Variants in CSMD1 observed in about 807,000 individuals in gnomAD.
CSMD1 encodes the protein CUB and sushi domain-containing protein 1.
In CSMD1, 213 loss-of-function variants were observed where a neutral mutation model predicts 417.5. The observed-to-expected ratio is 0.51, with a 90% CI of 0.46 to 0.57. The LOEUF (loss-of-function observed/expected upper bound fraction) is 0.57. CSMD1 is among the 20% of genes least tolerant of loss of function. CSMD1 has a pLI of 0.00. For synonymous variants in CSMD1, 2,862 were observed against 1,736.8 expected (o/e 1.65, Z -16.11); for missense variants, 6,923 against 4,529.7 (o/e 1.53, Z -15.17).
At chr8:3,661,107 T>G (rs1382981502) in intron 7 of CSMD1, among the ~76,000 whole-genome samples, 1 of 152,158 alleles carries the variant, frequency 6.6e-6, no homozygotes, top group Non-Finnish European at 1.5e-5. Context: ...GTTCCATCTG[T>G]TAAAGCAAAC....
Position 3,367,207 on chromosome 8 carries a change from G to C in CSMD1, c.2940C>G (p.Ser980=), listed in dbSNP as rs1248582720. 10 of 1,613,258 alleles carry C rather than the reference G, an allele frequency of 6.2e-6. No individual in the cohort carries two copies. The Admixed American group carries it at 1.0e-4, about 16-fold the overall frequency. Reference sequence around the variant, plus strand: ...CCTCTGTGATCAGTAAATAGTCGTGGGAACTCTCAAGATGAAAGGTGTGAA... The same window carrying C: ...CCTCTGTGATCAGTAAATAGTCGTGCGAACTCTCAAGATGAAAGGTGTGAA... The part of the protein sequence containing the change: ...MIFHTFHLES[S]HDYLLITEDG... Residue 980 remains serine (S), a synonymous_variant, in exon 20 of 70, where the codon TCC becomes TCG. Transcript: ENST00000635120.
At chr8:4,859,562 A>AC (rs1430725726) in intron 1 of CSMD1, among the ~76,000 whole-genome samples, 1 of 152,164 alleles carries the variant, frequency 6.6e-6, no homozygotes, top group East Asian at 1.9e-4. Context: ...CAAATTTACA[A>AC]GAAAAAAACA....
chr8:3,407,770 C>G (rs1300991549), intron 14 of CSMD1, 129 bp downstream of exon 14: 3 of 818,286 alleles, frequency 3.7e-6, no homozygotes, highest in Admixed American at 2.9e-5. Context: ...TTACTACTGT[C>G]ATTTTCATAA....
intron 2 of CSMD1, among the ~76,000 whole-genome samples, chr8:4,541,699 C>T (rs916091052): frequency 3.3e-5 from 5 of 152,058 alleles, no homozygotes; most frequent in African/African-American, 1.2e-4. Flanking sequence ...CTTACCACTG[C>T]ATTCCAGCCT....
At chr8:3,197,614 C>A (rs901047707) in intron 33 of CSMD1, among the ~76,000 whole-genome samples, 1 of 151,682 alleles carries the variant, frequency 6.6e-6, no homozygotes, top group African/African-American at 2.4e-5. Context: ...TACAGGTGCC[C>A]GCCACCACGC....
In CSMD1 at chr8:4,659,349, A is replaced by G. The variant is rs114838878; in HGVS notation, c.86-21791T>C. Reference sequence around the variant, plus strand: ...AATAAACTCCAAGCTGGCAGGTAAAATGAAATATTAAAAAGATTAGAGCAG... The same window carrying G: ...AATAAACTCCAAGCTGGCAGGTAAAGTGAAATATTAAAAAGATTAGAGCAG... On this transcript the variant is annotated intron_variant, in intron 1 of 69. Transcript: ENST00000635120. 9.8e-3 allele frequency among the ~76,000 whole-genome samples: 1,495 copies of G among 152,328 alleles called. 29 individuals are homozygous for G. The highest frequency in any genetic ancestry group is 0.033 in the African/African-American group (1,366 of 41,568).
rs781627128 is a variant in CSMD1 at position 4,994,323 on chromosome 8, C to G, written c.85+9G>C. On this transcript the variant is annotated intron_variant, in intron 1 of 69. Coordinates refer to ENST00000635120, the MANE Select transcript of CSMD1 (RefSeq NM_033225.6). The stretch of plus-strand genomic sequence containing the variant: ...ACCGCCTCCCCGGCCAGGAGCAAGT[C>G]CGTCTTACCCTTCGCTGCAGTGAGG... 4 of 1,608,800 alleles carry G rather than the reference C, an allele frequency of 2.5e-6. No individual in the cohort carries two copies. Among genetic ancestry groups the G allele is most frequent in the Non-Finnish European group, 3.4e-6 (4 of 1,179,378 alleles).
At chr8:4,858,007 A>C (rs1801903478) in intron 1 of CSMD1, among the ~76,000 whole-genome samples, 1 of 152,216 alleles carries the variant, frequency 6.6e-6, no homozygotes, top group Non-Finnish European at 1.5e-5. Context: ...TTGACGCAAA[A>C]ATCCTCAGTA....
chr8:4,220,718 C>T (rs1184010774), intron 3 of CSMD1, among the ~76,000 whole-genome samples: 1 of 152,120 alleles, frequency 6.6e-6, no homozygotes, highest in African/African-American at 2.4e-5. Flanking sequence ...ATGCATTGAG[C>T]AATTCACTAG....
At chr8:3,055,898 G>A (rs943187908) in intron 49 of CSMD1, among the ~76,000 whole-genome samples, 1 of 152,144 alleles carries the variant, frequency 6.6e-6, no homozygotes, top group Admixed American at 6.5e-5. Context: ...TTACGCTCAG[G>A]TTATTAAGAC....
chr8:3,682,639 C>A (rs1799724957), intron 7 of CSMD1, among the ~76,000 whole-genome samples: 1 of 152,164 alleles, frequency 6.6e-6, no homozygotes, highest in Non-Finnish European at 1.5e-5. Flanking sequence ...TGTGGTGATT[C>A]CTCAGGGATC....
intron 12 of CSMD1, among the ~76,000 whole-genome samples, chr8:3,428,324 C>T (rs989575133): frequency 6.6e-6 from 1 of 152,100 alleles, no homozygotes; most frequent in African/African-American, 2.4e-5. Flanking sequence ...GACGAATGGC[C>T]AGGCCTCAAG....
At chr8:4,604,505 C>G (rs1221832888) in intron 2 of CSMD1, among the ~76,000 whole-genome samples, 2 of 151,850 alleles carry the variant, frequency 1.3e-5, no homozygotes, top group Non-Finnish European at 2.9e-5. Context: ...TCATTAGCTT[C>G]TGACTTGATT....
At chr8:4,701,647 T>C (rs1167296960) in intron 1 of CSMD1, among the ~76,000 whole-genome samples, 3 of 152,130 alleles carry the variant, frequency 2.0e-5, no homozygotes, top group African/African-American at 7.2e-5. Context: ...GTTTGAAGTA[T>C]GCTAGGTCCA....
chr8:3,110,351 A>G lies in CSMD1; in HGVS notation c.6431-16T>C. 2 of 1,583,260 alleles carry G rather than the reference A, an allele frequency of 1.3e-6. No homozygotes were observed. The highest frequency in any genetic ancestry group is 1.7e-6 in the Non-Finnish European group (2 of 1,165,356). Reference sequence around the variant, plus strand: ...CCACAAGGGGCTGCAAAGGAAACCAAGAAAAAACAAGCGCCATACAGCTGA... The same window carrying G: ...CCACAAGGGGCTGCAAAGGAAACCAGGAAAAAACAAGCGCCATACAGCTGA... On this transcript the variant is annotated splice_polypyrimidine_tract_variant and intron_variant, in intron 42 of 69. Coordinates refer to ENST00000635120, the MANE Select transcript of CSMD1 (RefSeq NM_033225.6).
chr8:4,888,706 T>C (rs1278418541), intron 1 of CSMD1, among the ~76,000 whole-genome samples: 2 of 152,246 alleles, frequency 1.3e-5, no homozygotes, highest in South Asian at 2.1e-4. Flanking sequence ...ACTCATTCCA[T>C]GGCCGGTGCA....
intron 3 of CSMD1, among the ~76,000 whole-genome samples, chr8:4,411,823 A>G (rs1462114274): frequency 6.6e-6 from 1 of 152,188 alleles, no homozygotes; most frequent in East Asian, 1.9e-4. Flanking sequence ...CTATGCAAAT[A>G]CTTTTATTTA....
intron 1 of CSMD1, among the ~76,000 whole-genome samples, chr8:4,779,369 G>A (rs1447936555): frequency 6.6e-6 from 1 of 152,108 alleles, no homozygotes; most frequent in African/African-American, 2.4e-5. Flanking sequence ...ATTTTTTACA[G>A]AAGAGTTCAT....
At chr8:4,327,601 A>T (rs1011824990) in intron 3 of CSMD1, among the ~76,000 whole-genome samples, 1 of 152,156 alleles carries the variant, frequency 6.6e-6, no homozygotes, top group Non-Finnish European at 1.5e-5. Context: ...GATGTTACCA[A>T]GTCAGAAAGG....
Sources: allele counts gnomAD v4.1 joint callset (sites outside exome capture counted in the v4.1 genomes callset), GRCh38; gene constraint gnomAD v4.1.1; transcripts MANE v1.5; gene names NCBI Gene and HGNC (gene_info 2026-07-23, HGNC 2026-07-21).